The following ASIC2 variants were observed in gnomAD, a reference collection of about 807,000 sequenced individuals.
ASIC2 encodes acid-sensing ion channel 2.
Under a neutral mutation model 57.3 loss-of-function variants are expected in ASIC2, and 25 were observed. The ratio of observed to expected loss-of-function variants is 0.44; its 90% CI spans 0.32 to 0.61. The LOEUF (loss-of-function observed/expected upper bound fraction) is 0.61, where lower values mean the gene tolerates loss of function less well. Among genes scored for constraint, ASIC2 ranks in the 20% least tolerant of loss-of-function variants. The pLI is 0.06. For missense variants in ASIC2, 641 were observed against 738.1 expected (o/e 0.87, Z 1.52); for synonymous variants, 319 against 307.5 (o/e 1.04, Z -0.39).
At chr17:34,031,071 G>T (rs2142036893) in intron 1 of ASIC2, among the ~76,000 whole-genome samples, 1 of 152,326 alleles carries the variant, frequency 6.6e-6, no homozygotes, top group African/African-American at 2.4e-5. Context: ...CTCCTCAAGT[G>T]GGTCCCTGAC....
At chr17:33,776,017 C>T (rs931741350) in intron 1 of ASIC2, among the ~76,000 whole-genome samples, 2 of 151,614 alleles carry the variant, frequency 1.3e-5, no homozygotes, top group Non-Finnish European at 2.9e-5. Context: ...CCTGTAGTTC[C>T]AACTACTTGG....
chr17:33,441,276 C>T (rs1911813669), intron 1 of ASIC2, among the ~76,000 whole-genome samples: 2 of 152,168 alleles, frequency 1.3e-5, no homozygotes, highest in South Asian at 4.1e-4. Context: ...GACTCATTTT[C>T]TTAATGATGC....
intron 1 of ASIC2, among the ~76,000 whole-genome samples, chr17:33,316,149 A>G (rs559175869): frequency 5.3e-5 from 8 of 152,196 alleles, no homozygotes; most frequent in Non-Finnish European, 1.2e-4. Context: ...TGTCTAAACT[A>G]ATGAGCTAAT....
intron 1 of ASIC2, among the ~76,000 whole-genome samples, chr17:33,379,359 A>G (rs1004792296): frequency 6.6e-6 from 1 of 152,208 alleles, no homozygotes; most frequent in Admixed American, 6.5e-5. Context: ...CACTCAACGC[A>G]ATGACTGGGG....
chr17:33,374,198 G>A (rs1223800437), intron 1 of ASIC2, among the ~76,000 whole-genome samples: 1 of 152,014 alleles, frequency 6.6e-6, no homozygotes, highest in East Asian at 1.9e-4. Flanking sequence ...GTTTCACCAT[G>A]TTAGCCAGGC....
chr17:33,329,265 G>A (rs916268712), intron 1 of ASIC2, among the ~76,000 whole-genome samples: 2 of 152,172 alleles, frequency 1.3e-5, no homozygotes, highest in African/African-American at 2.4e-5. Flanking sequence ...TCACTTTGAA[G>A]GATATTTTAG....
intron 1 of ASIC2, among the ~76,000 whole-genome samples, chr17:33,498,899 T>G (rs1038295112): frequency 3.3e-5 from 5 of 152,142 alleles, no homozygotes; most frequent in Non-Finnish European, 4.4e-5. Context: ...GAACAGACAT[T>G]TCCCAAAGAG....
chr17:33,165,283 T>A (rs1169737698), intron 1 of ASIC2, among the ~76,000 whole-genome samples: 1 of 152,178 alleles, frequency 6.6e-6, no homozygotes, highest in Non-Finnish European at 1.5e-5. Flanking sequence ...GGGCTAATAG[T>A]CATGCTGTGC....
chr17:33,675,723 T>C (rs7216912), intron 1 of ASIC2, among the ~76,000 whole-genome samples: 7,433 of 152,150 alleles, frequency 0.049, 474 homozygotes, highest in African/African-American at 0.14. Flanking sequence ...AGACGTGTAC[T>C]ACCACACCGG....
chr17:33,556,779 T>C (rs1915921037), intron 1 of ASIC2, among the ~76,000 whole-genome samples: 1 of 152,204 alleles, frequency 6.6e-6, no homozygotes, highest in Non-Finnish European at 1.5e-5. Flanking sequence ...TTTCTTTCCA[T>C]CTGCCCTTTA....
chr17:33,301,014 ATT>A (rs1369990569), intron 1 of ASIC2, among the ~76,000 whole-genome samples: 7 of 21,566 alleles, frequency 3.2e-4, no homozygotes, highest in Admixed American at 8.8e-4. Context: ...TTATTCATTT[ATT>A]TATTTATTTA....
intron 1 of ASIC2, among the ~76,000 whole-genome samples, chr17:33,500,947 C>T (rs1056178640): frequency 5.3e-5 from 8 of 152,252 alleles, no homozygotes; most frequent in East Asian, 1.9e-4. Flanking sequence ...GATATTACCA[C>T]GTCTACACTA....
intron 1 of ASIC2, among the ~76,000 whole-genome samples, chr17:33,517,711 A>AGGGGGGG (rs905531567): frequency 4.3e-5 from 2 of 46,298 alleles, no homozygotes; most frequent in African/African-American, 1.7e-4. Flanking sequence ...GGGTTGGGGG[A>AGGGGGGG]GGGGGGAGGG....
chr17:33,154,232 G>C (rs1171499200), intron 1 of ASIC2, among the ~76,000 whole-genome samples: 1 of 152,134 alleles, frequency 6.6e-6, no homozygotes, highest in East Asian at 1.9e-4. Context: ...GGGTGCAGTG[G>C]CTATTCACAG....
intron 1 of ASIC2, among the ~76,000 whole-genome samples, chr17:33,571,394 T>C (rs1196224603): frequency 1.3e-5 from 2 of 152,242 alleles, no homozygotes; most frequent in Non-Finnish European, 2.9e-5. Context: ...AGAGGAACTT[T>C]GTTTTGTTCA....
chr17:33,237,755 A>T (rs2142115740), intron 1 of ASIC2, among the ~76,000 whole-genome samples: 1 of 152,370 alleles, frequency 6.6e-6, no homozygotes, highest in African/African-American at 2.4e-5. Flanking sequence ...TGCAAGTGGC[A>T]CAGGGTGGAT....
intron 2 of ASIC2, among the ~76,000 whole-genome samples, chr17:33,093,448 G>T (rs1025318142): frequency 1.1e-4 from 16 of 152,168 alleles, no homozygotes; most frequent in African/African-American, 3.9e-4. Context: ...GAGAGAGAGA[G>T]AGTGCAGAGA....
At chr17:34,049,170 T>C (rs927391178) in intron 1 of ASIC2, among the ~76,000 whole-genome samples, 5 of 152,086 alleles carry the variant, frequency 3.3e-5, no homozygotes, top group African/African-American at 1.2e-4. Context: ...TGCATGCCTG[T>C]GGTCCCAGGT....
intron 1 of ASIC2, among the ~76,000 whole-genome samples, chr17:33,139,296 C>T (rs1446370880): frequency 6.6e-6 from 1 of 152,198 alleles, no homozygotes; most frequent in Non-Finnish European, 1.5e-5. Context: ...GAGGCCAGCC[C>T]CCTCTTCTGA....
Sources: gnomAD v4.1 joint callset for allele counts (sites outside exome capture counted in the v4.1 genomes callset) on GRCh38, gnomAD v4.1.1 for gene constraint, MANE v1.5 for transcripts, NCBI Gene and HGNC (gene_info 2026-07-23, HGNC 2026-07-21) for gene names.